ZFHX4: variants seen among roughly 807,000 people sequenced by gnomAD.
The protein encoded by ZFHX4 is zinc finger homeobox protein 4.
Under a neutral mutation model 267.6 loss-of-function variants are expected in ZFHX4, and 56 were observed. The ratio of observed to expected loss-of-function variants is 0.21; its 90% CI spans 0.17 to 0.26. The LOEUF is 0.26. Among genes scored for constraint, ZFHX4 ranks in the 10% least tolerant of loss-of-function variants. The probability of loss-of-function intolerance (pLI) is 1.00; values close to 1 mark genes in which losing one functional copy is unlikely to be tolerated. For missense variants in ZFHX4, 4,332 were observed against 4,420.0 expected, an observed-to-expected ratio of 0.98 and a Z score of 0.56; for synonymous variants, 1,778 against 1,665.6, an observed-to-expected ratio of 1.07 and a Z score of -1.64.
At chr8:76,752,928 A>C (rs1284042319) in intron 3 of ZFHX4, among the ~76,000 whole-genome samples, 3 of 152,194 alleles carry the variant, frequency 2.0e-5, no homozygotes, top group African/African-American at 4.8e-5. Context: ...ATCTACCACC[A>C]TAGTGTGCCA....
chr8:76,762,959 A>C (rs1809955673), intron 3 of ZFHX4, among the ~76,000 whole-genome samples: 1 of 152,170 alleles, frequency 6.6e-6, no homozygotes, highest in South Asian at 2.1e-4. Flanking sequence ...ACACACTAAG[A>C]TCTGTCCTTG....
Position 76,704,689 on chromosome 8 carries a change from C to T in ZFHX4, c.601C>T (p.Leu201Phe). The T allele has an allele frequency of 6.2e-7, 1 of 1,614,032 alleles. No homozygotes were observed. ...CAACACTTTTCATATCGCTTCATCC[C>T]TCGGGAAACCATTTACAGCCGATCA... ...IINTFHIASS[L>F]GKPFTADQAF... The change falls in exon 2 of 11, where the codon CTC becomes TTC. Residue 201 changes from leucine to phenylalanine, a missense_variant. By Grantham distance (22) the Leu-to-Phe change is conservative. Coordinates refer to ENST00000651372, the MANE Select transcript of ZFHX4 (RefSeq NM_024721.5).
intron 1 of ZFHX4, among the ~76,000 whole-genome samples, chr8:76,688,312 C>A (rs546148727): frequency 7.9e-5 from 12 of 152,232 alleles, no homozygotes; most frequent in Admixed American, 7.8e-4. Flanking sequence ...TGGTGAAACA[C>A]TTCACTTGGG....
At chr8:76,738,336 T>A (rs535211061) in intron 3 of ZFHX4, among the ~76,000 whole-genome samples, 1 of 152,122 alleles carries the variant, frequency 6.6e-6, no homozygotes, top group African/African-American at 2.4e-5. Flanking sequence ...ACATCATTAT[T>A]CAGTAAGTGT....
rs140407491 is a variant in ZFHX4, at chr8:76,773,931, A to G, written c.3094-4277A>G. On this transcript the variant is annotated intron_variant, in intron 3 of 10. Transcript: ENST00000651372. The stretch of plus-strand genomic sequence containing the variant: ...ACAAAAAATGATGTTTTTACCTGTG[A>G]GAAGACACGACAGAATCAGCTATTC... Among the ~76,000 whole-genome samples, 407 of 152,222 alleles carry G rather than the reference A, an allele frequency of 2.7e-3. 1 individual carries two copies. The highest frequency in any genetic ancestry group is 9.4e-3 in the African/African-American group (392 of 41,560).
chr8:76,779,083 T>C (rs1460325922), intron 4 of ZFHX4, among the ~76,000 whole-genome samples: 1 of 152,172 alleles, frequency 6.6e-6, no homozygotes, highest in African/African-American at 2.4e-5. Flanking sequence ...CAGAAACAGA[T>C]GGTCGTGAGC....
At chr8:76,842,805 C>G in intron 6 of ZFHX4, 34 bp downstream of exon 6, 1 of 1,457,252 alleles carries the variant, frequency 6.9e-7, no homozygotes, top group Non-Finnish European at 9.4e-7. Flanking sequence ...TCGGCATTTC[C>G]CTATACCCAT....
At chr8:76,698,339 T>A (rs1808012397) in intron 1 of ZFHX4, among the ~76,000 whole-genome samples, 2 of 152,200 alleles carry the variant, frequency 1.3e-5, no homozygotes, top group Middle Eastern at 3.4e-3. Context: ...TAAGGAGAGA[T>A]TATTGATTCC....
At chr8:76,712,814 T>C (rs1808461085) in intron 3 of ZFHX4, among the ~76,000 whole-genome samples, 1 of 152,202 alleles carries the variant, frequency 6.6e-6, no homozygotes, top group Admixed American at 6.5e-5. Context: ...AAGGTTGAAA[T>C]GCAGTGTGAA....
intron 3 of ZFHX4, among the ~76,000 whole-genome samples, chr8:76,750,953 A>G (rs1416755930): frequency 6.6e-6 from 1 of 152,176 alleles, no homozygotes; most frequent in Non-Finnish European, 1.5e-5. Flanking sequence ...TACCTTAAAA[A>G]ACGCAGGAGC....
At chr8:76,784,708 A>T (rs1386387371) in intron 4 of ZFHX4, among the ~76,000 whole-genome samples, 1 of 152,044 alleles carries the variant, frequency 6.6e-6, no homozygotes, top group African/African-American at 2.4e-5. Context: ...AAAAACAACC[A>T]TCCTTCAAAG....
intron 3 of ZFHX4, among the ~76,000 whole-genome samples, chr8:76,736,112 T>C (rs1217841124): frequency 6.6e-6 from 1 of 152,072 alleles, no homozygotes; most frequent in African/African-American, 2.4e-5. Flanking sequence ...TCTGTCTTAG[T>C]GGATAAATGT....
chr8:76,704,828 C>T lies in ZFHX4; in HGVS notation c.740C>T (p.Ala247Val), dbSNP rs536758211. ...GACTATCTAACCAGTGATGGCTCAGCCAAAAACTCCTGTGTGTCCAAAGAT... is the reference window on the plus strand; with the variant it reads ...GACTATCTAACCAGTGATGGCTCAGTCAAAAACTCCTGTGTGTCCAAAGAT... ...EKDYLTSDGS[A>V]KNSCVSKDVP... Residue 247 changes from alanine (A) to valine (V), a missense_variant, in exon 2 of 11, where the codon GCC (alanine) becomes GTC (valine). Physicochemically the swap from Ala to Val is moderately conservative, Grantham distance 64. Coordinates refer to ENST00000651372, the MANE Select transcript of ZFHX4 (RefSeq NM_024721.5). 4.3e-6 allele frequency: 7 copies of T among 1,614,110 alleles called. No homozygotes were observed. In the East Asian group the frequency reaches 1.6e-4, roughly 36 times the overall value.
rs763098889 is a variant in ZFHX4, at chr8:76,864,506, C to T, written c.10792C>T (p.Pro3598Ser). ...LDNSLEVKAK[P>S]ASGLDGNFNS... is the part of the protein sequence containing the mutation. ...TAATTCTTTGGAAGTGAAGGCTAAGCCTGCTTCTGGCCTAGATGGTAATTT... is the reference window on the plus strand; with the variant it reads ...TAATTCTTTGGAAGTGAAGGCTAAGTCTGCTTCTGGCCTAGATGGTAATTT... Residue 3598 changes from proline to serine, a missense_variant, in exon 11 of 11, where the codon CCT (proline) becomes TCT (serine). Around this residue, in one of 7 missense-constraint regions of ZFHX4, gnomAD observed 1,648 missense variants for 1,625.0 expected, o/e 1.01. Transcript: ENST00000651372. 6.2e-6 allele frequency: 10 copies of T among 1,612,856 alleles called. No homozygotes were observed. In the Middle Eastern group the frequency reaches 1.3e-3, roughly 212 times the overall value.
chr8:76,860,221 A>G (rs1029355279), intron 10 of ZFHX4, among the ~76,000 whole-genome samples: 1 of 152,024 alleles, frequency 6.6e-6, no homozygotes, highest in Non-Finnish European at 1.5e-5. Context: ...CACATAGCTT[A>G]TTATTCTTAA....
At chr8:76,850,016 A>T (rs1033342831) in intron 8 of ZFHX4, 1 of 573,898 alleles carries the variant, frequency 1.7e-6, no homozygotes, top group Non-Finnish European at 3.1e-6. Context: ...TATCATTATA[A>T]AAAAATAAAC....
In ZFHX4 at chr8:76,853,719, T is replaced by C; in HGVS notation, c.6798T>C (p.Pro2266=). The part of the protein sequence containing the change: ...IEQLSTVLNL[P]TRVIVVWFQN... ...AACTCTCCACTGTTCTCAATCTGCCTACCCGGGTTATTGTTGTATGGTTCC... is the reference window on the plus strand; with the variant it reads ...AACTCTCCACTGTTCTCAATCTGCCCACCCGGGTTATTGTTGTATGGTTCC... The change falls in exon 10 of 11, where the codon CCT becomes CCC. Residue 2266 remains proline (P), a synonymous_variant. Coordinates refer to ENST00000651372, the MANE Select transcript of ZFHX4 (RefSeq NM_024721.5). The C allele has an allele frequency of 3.7e-6, 6 of 1,613,724 alleles. No homozygotes were observed. The highest frequency in any genetic ancestry group is 5.1e-6 in the Non-Finnish European group (6 of 1,179,826).
In ZFHX4 at chr8:76,704,628, T is replaced by C. The variant is rs1231180624; in HGVS notation, c.540T>C (p.Ser180=). The C allele has an allele frequency of 3.7e-6, 6 of 1,613,930 alleles. No individual in the cohort carries two copies. In the Admixed American group the frequency reaches 8.3e-5, roughly 22 times the overall value. The change falls in exon 2 of 11, where the codon TCT becomes TCC. Residue 180 remains serine (S), a synonymous_variant. Coordinates refer to ENST00000651372, the MANE Select transcript of ZFHX4 (RefSeq NM_024721.5). ...CTGCTGGAGAGAAGAGTGATCAGTC[T>C]GCTTCTGCACCTATGTCGTTCTACC... The part of the protein sequence containing the change: ...LASAGEKSDQ[S]ASAPMSFYPQ...
At chr8:76,700,841 G>A (rs949555005) in intron 1 of ZFHX4, among the ~76,000 whole-genome samples, 3 of 152,128 alleles carry the variant, frequency 2.0e-5, no homozygotes, top group Non-Finnish European at 4.4e-5. Flanking sequence ...CAAACAGAAT[G>A]TCTGGCAGTA....
Sources: allele counts gnomAD v4.1 joint callset (sites outside exome capture counted in the v4.1 genomes callset), GRCh38; gene constraint gnomAD v4.1.1; regional missense constraint gnomAD v4.1.1; transcripts MANE v1.5; gene names NCBI Gene and HGNC (gene_info 2026-07-23, HGNC 2026-07-21).